SAMD3: variants seen among roughly 807,000 people sequenced by gnomAD.
SAMD3 encodes the protein sterile alpha motif domain containing 3.
Under a neutral mutation model 58.5 loss-of-function variants are expected in SAMD3, and 63 were observed. That is an observed-to-expected ratio of 1.08 (90% confidence interval 0.88 to 1.33). The LOEUF (loss-of-function observed/expected upper bound fraction) is 1.33, where lower values mean the gene tolerates loss of function less well. Among genes scored for constraint, SAMD3 ranks in the 40% most tolerant of loss-of-function variants. The probability of loss-of-function intolerance (pLI) is 0.00; values close to 1 mark genes in which losing one functional copy is unlikely to be tolerated. For missense variants in SAMD3, 604 were observed against 608.4 expected (o/e 0.99, Z 0.08); for synonymous variants, 220 against 210.3 (o/e 1.05, Z -0.40).
intron 1 of SAMD3, among the ~76,000 whole-genome samples, chr6:130,361,785 G>A (rs777774333): frequency 2.6e-5 from 4 of 152,204 alleles, no homozygotes; most frequent in African/African-American, 9.7e-5. Context: ...CAGTGTCTGA[G>A]AATGTTATGC....
chr6:130,316,848 C>A (rs953076014), intron 1 of SAMD3, among the ~76,000 whole-genome samples: 3 of 152,176 alleles, frequency 2.0e-5, no homozygotes, highest in African/African-American at 7.2e-5. Context: ...TGAGTTATGA[C>A]AAAGGATTTG....
At chr6:130,162,850 G>C (rs1010365650) in intron 8 of SAMD3, among the ~76,000 whole-genome samples, 1 of 152,164 alleles carries the variant, frequency 6.6e-6, no homozygotes, top group African/African-American at 2.4e-5. Context: ...GAGCTGTCCA[G>C]TATGGTAGCC....
intron 2 of SAMD3, among the ~76,000 whole-genome samples, chr6:130,251,487 T>C (rs1008191708): frequency 6.6e-6 from 1 of 152,168 alleles, no homozygotes; most frequent in Non-Finnish European, 1.5e-5. Flanking sequence ...CGTCTGTTTT[T>C]TTCTAAAACT....
At chr6:130,161,637 C>A (rs1465924073) in intron 8 of SAMD3, 2 of 152,136 alleles carry the variant, frequency 1.3e-5, no homozygotes, top group Non-Finnish European at 2.9e-5. Context: ...GTTAGATATA[C>A]TGTTAATGAT....
At chr6:130,282,211 C>G (rs955788171) in intron 2 of SAMD3, among the ~76,000 whole-genome samples, 6 of 152,052 alleles carry the variant, frequency 3.9e-5, no homozygotes, top group African/African-American at 1.2e-4. Context: ...AAAGATTTGG[C>G]CTTACTCTTT....
chr6:130,281,644 T>C (rs1849526), intron 2 of SAMD3, among the ~76,000 whole-genome samples: 48,243 of 151,810 alleles, frequency 0.32, 7,900 homozygotes, highest in East Asian at 0.47. Context: ...TTCAGCTGGG[T>C]ATGGTGGCTC....
intron 7 of SAMD3, among the ~76,000 whole-genome samples, chr6:130,179,659 CAATT>C (rs911150848): frequency 3.7e-4 from 56 of 150,998 alleles, no homozygotes; most frequent in African/African-American, 1.3e-3. Flanking sequence ...GCATAATACT[CAATT>C]AGATATTATA....
chr6:130,160,814 A>C (rs569447587), intron 8 of SAMD3: 1 of 152,312 alleles, frequency 6.6e-6, no homozygotes, highest in Admixed American at 6.5e-5. Context: ...AGGAGTTTCA[A>C]ATGTAAAATG....
intron 11 of SAMD3, 65 bp downstream of exon 11, chr6:130,145,275 A>G (rs1284416211): frequency 2.7e-6 from 2 of 736,880 alleles, no homozygotes; most frequent in Admixed American, 3.2e-5. Flanking sequence ...TAAGTAAATA[A>G]ATAATATAAA....
intron 1 of SAMD3, among the ~76,000 whole-genome samples, chr6:130,358,466 G>A (rs552829340): frequency 6.6e-6 from 1 of 152,262 alleles, no homozygotes; most frequent in East Asian, 1.9e-4. Flanking sequence ...AAATGTGAAG[G>A]TGAACTTCCA....
chr6:130,151,544 C>G (rs756098663), intron 9 of SAMD3, among the ~76,000 whole-genome samples: 1 of 152,066 alleles, frequency 6.6e-6, no homozygotes, highest in South Asian at 2.1e-4. Context: ...CAGGTTCAAG[C>G]GATTCTCCTG....
At chr6:130,236,662 G>A (rs779460317) in intron 2 of SAMD3, among the ~76,000 whole-genome samples, 8 of 152,146 alleles carry the variant, frequency 5.3e-5, no homozygotes, top group South Asian at 4.1e-4. Context: ...GATTACAGGC[G>A]TGAGCCACTG....
At chr6:130,144,008 A>C (rs76444731), downstream of SAMD3, 2,146 of 153,908 alleles carry the variant, frequency 0.014, 46 homozygotes, top group African/African-American at 0.049. Flanking sequence ...TATTCTCAAC[A>C]AGCGATTAAA....
intron 2 of SAMD3, among the ~76,000 whole-genome samples, chr6:130,236,535 C>T (rs183941253): frequency 2.0e-5 from 3 of 152,216 alleles, no homozygotes; most frequent in Admixed American, 1.3e-4. Context: ...AGGCGCCCAC[C>T]ACCGCACCCG....
intron 1 of SAMD3, among the ~76,000 whole-genome samples, chr6:130,218,982 T>C (rs566804991): frequency 6.6e-6 from 1 of 152,010 alleles, no homozygotes; most frequent in African/African-American, 2.4e-5. Context: ...GAACTGAGAG[T>C]ATGTTCCATG....
At chr6:130,175,048 C>T (rs1791597404) in intron 8 of SAMD3, among the ~76,000 whole-genome samples, 1 of 152,206 alleles carries the variant, frequency 6.6e-6, no homozygotes, top group Admixed American at 6.5e-5. Flanking sequence ...AATACATTCA[C>T]TAATATAAAC....
At chr6:130,265,182 G>A (rs767195287) in intron 2 of SAMD3, among the ~76,000 whole-genome samples, 3 of 152,128 alleles carry the variant, frequency 2.0e-5, no homozygotes, top group South Asian at 2.1e-4. Context: ...CCTAAACCCC[G>A]CCACCTTGCT....
chr6:130,266,426 T>G (rs927601051), intron 2 of SAMD3, among the ~76,000 whole-genome samples: 1 of 152,112 alleles, frequency 6.6e-6, no homozygotes, highest in African/African-American at 2.4e-5. Context: ...TGATAGCTTG[T>G]AGGTCCTAAA....
At chr6:130,248,256 T>C (rs1024816504) in intron 2 of SAMD3, among the ~76,000 whole-genome samples, 3 of 151,644 alleles carry the variant, frequency 2.0e-5, no homozygotes, top group African/African-American at 7.3e-5. Flanking sequence ...TTGCCTTTAT[T>C]AACAAAAAGT....
Sources: gnomAD v4.1 joint callset for allele counts (sites outside exome capture counted in the v4.1 genomes callset) on GRCh38, gnomAD v4.1.1 for gene constraint, MANE v1.5 for transcripts, NCBI Gene and HGNC (gene_info 2026-07-23, HGNC 2026-07-21) for gene names.